Variants in EBF1 observed in about 807,000 individuals in gnomAD.
EBF1 encodes the protein transcription factor COE1.
EBF1 carries 10 observed loss-of-function variants against 68.4 expected under a neutral mutation model. That is an observed-to-expected ratio of 0.15 (90% CI 0.09 to 0.25). The LOEUF (loss-of-function observed/expected upper bound fraction) is 0.25, where lower values mean the gene tolerates loss of function less well. EBF1 is among the 10% of genes least tolerant of loss of function. The pLI is 1.00. For missense variants in EBF1, 509 were observed against 794.4 expected (o/e 0.64, Z 4.32); for synonymous variants, 298 against 299.8 (o/e 0.99, Z 0.06).
intron 6 of EBF1, among the ~76,000 whole-genome samples, chr5:158,900,183 A>G (rs1436914759): frequency 1.3e-5 from 2 of 152,142 alleles, no homozygotes; most frequent in Non-Finnish European, 2.9e-5. Flanking sequence ...ATCTAAGAAG[A>G]TGTTCTTGTG....
chr5:159,013,394 G>C (rs1251726557), intron 6 of EBF1, among the ~76,000 whole-genome samples: 1 of 152,194 alleles, frequency 6.6e-6, no homozygotes, highest in Non-Finnish European at 1.5e-5. Context: ...CACAGGCCCA[G>C]TGTTATAAGA....
At chr5:158,790,513 A>G (rs1466723315) in intron 9 of EBF1, among the ~76,000 whole-genome samples, 1 of 151,442 alleles carries the variant, frequency 6.6e-6, no homozygotes, top group East Asian at 1.9e-4. Flanking sequence ...AAAAAAAAAG[A>G]GTTCTGCCTT....
intron 6 of EBF1, among the ~76,000 whole-genome samples, chr5:158,939,263 C>T (rs760105183): frequency 3.3e-5 from 5 of 152,148 alleles, no homozygotes; most frequent in African/African-American, 7.2e-5. Flanking sequence ...ATAGCCTAGA[C>T]AGAGAAAAGA....
At chr5:158,996,509 C>T (rs915102419) in intron 6 of EBF1, among the ~76,000 whole-genome samples, 1 of 152,166 alleles carries the variant, frequency 6.6e-6, no homozygotes, top group African/African-American at 2.4e-5. Flanking sequence ...CTGAAAGTAA[C>T]TTTAAAATGT....
intron 6 of EBF1, among the ~76,000 whole-genome samples, chr5:158,989,834 G>A (rs192920603): frequency 1.3e-5 from 2 of 152,168 alleles, no homozygotes; most frequent in Admixed American, 6.5e-5. Context: ...GACAATATCC[G>A]TTGACTGCCT....
chr5:158,806,235 G>A (rs533568225), intron 8 of EBF1, among the ~76,000 whole-genome samples: 1 of 152,214 alleles, frequency 6.6e-6, no homozygotes, highest in African/African-American at 2.4e-5. Context: ...CAGGCACGGT[G>A]GAGAGGGCCA....
chr5:158,882,208 A>C (rs1425876170), intron 6 of EBF1, among the ~76,000 whole-genome samples: 1 of 152,208 alleles, frequency 6.6e-6, no homozygotes, highest in Non-Finnish European at 1.5e-5. Flanking sequence ...CCCCATAAGG[A>C]AGTTAACATT....
intron 10 of EBF1, 46 bp downstream of exon 10, chr5:158,777,367 A>G (rs1339039092): frequency 1.3e-6 from 2 of 1,532,580 alleles, no homozygotes; most frequent in Non-Finnish European, 1.8e-6. Flanking sequence ...GAAAGACCCC[A>G]CAAGACCACG....
At chr5:158,954,453 G>A (rs1022211839) in intron 6 of EBF1, among the ~76,000 whole-genome samples, 3 of 152,240 alleles carry the variant, frequency 2.0e-5, no homozygotes, top group African/African-American at 7.2e-5. Flanking sequence ...TGAAAGTTGT[G>A]CCATGAGAAT....
At chr5:158,859,624 C>T (rs1290366978) in intron 6 of EBF1, among the ~76,000 whole-genome samples, 1 of 152,210 alleles carries the variant, frequency 6.6e-6, no homozygotes, top group African/African-American at 2.4e-5. Flanking sequence ...ACCTCCAAAG[C>T]TGCCCCTCAC....
intron 9 of EBF1, among the ~76,000 whole-genome samples, chr5:158,795,080 C>G (rs1779373018): frequency 6.6e-6 from 1 of 152,176 alleles, no homozygotes; most frequent in Non-Finnish European, 1.5e-5. Context: ...GAGTGGGTTA[C>G]TGGCAGTAAG....
chr5:159,033,071 G>C (rs1769259911), intron 6 of EBF1, among the ~76,000 whole-genome samples: 1 of 143,134 alleles, frequency 7.0e-6, no homozygotes, highest in Non-Finnish European at 1.5e-5. Context: ...TTTCCAAAAT[G>C]ATAATCAACA....
intron 4 of EBF1, among the ~76,000 whole-genome samples, chr5:159,094,034 G>T (rs1782101307): frequency 6.9e-6 from 1 of 144,580 alleles, no homozygotes; most frequent in African/African-American, 2.6e-5. Context: ...AATGAGAATG[G>T]CAGGAAAGGA....
intron 6 of EBF1, among the ~76,000 whole-genome samples, chr5:158,966,188 T>C (rs1754068433): frequency 1.3e-5 from 2 of 152,328 alleles, no homozygotes; most frequent in South Asian, 2.1e-4. Flanking sequence ...TATATTTTCT[T>C]GTCCAAAGAG....
intron 6 of EBF1, among the ~76,000 whole-genome samples, chr5:158,847,750 C>A (rs1791814933): frequency 6.6e-6 from 1 of 152,198 alleles, no homozygotes; most frequent in Non-Finnish European, 1.5e-5. Flanking sequence ...TCCGTCTGTC[C>A]TTCTTGGAAC....
At chr5:158,711,007 G>C (rs1182787718) in intron 14 of EBF1, among the ~76,000 whole-genome samples, 1 of 152,192 alleles carries the variant, frequency 6.6e-6, no homozygotes, top group Non-Finnish European at 1.5e-5. Context: ...GTTCTCTGAG[G>C]TTCTTTAGAA....
intron 6 of EBF1, among the ~76,000 whole-genome samples, chr5:158,975,935 C>G (rs1441741590): frequency 6.6e-6 from 1 of 152,164 alleles, no homozygotes. Context: ...CAGCTTTACA[C>G]CAAAGGAAGT....
At chr5:158,836,896 T>C (rs1428889332) in intron 7 of EBF1, among the ~76,000 whole-genome samples, 1 of 152,166 alleles carries the variant, frequency 6.6e-6, no homozygotes, top group Non-Finnish European at 1.5e-5. Context: ...CTGCCCCTAT[T>C]GATCTATTTT....
chr5:158,776,988 A>T (rs1320265411), intron 10 of EBF1, among the ~76,000 whole-genome samples: 2 of 152,192 alleles, frequency 1.3e-5, no homozygotes, highest in African/African-American at 4.8e-5. Flanking sequence ...ACCAACCCAG[A>T]ATTAAATATG....
Sources: gnomAD v4.1 joint callset for allele counts (sites outside exome capture counted in the v4.1 genomes callset) on GRCh38, gnomAD v4.1.1 for gene constraint, MANE v1.5 for transcripts, NCBI Gene and HGNC (gene_info 2026-07-23, HGNC 2026-07-21) for gene names.